Variants in ECE1 observed in about 807,000 individuals in gnomAD.
ECE1 encodes endothelin-converting enzyme 1.
ECE1 carries 35 observed loss-of-function variants against 98.6 expected under a neutral mutation model. The ratio of observed to expected loss-of-function variants is 0.35; its 90% CI spans 0.27 to 0.47. The LOEUF is 0.47. Ranked by LOEUF, ECE1 falls within the 20% of genes least tolerant of loss-of-function variation. The pLI is 1.00. For missense variants in ECE1, 814 were observed against 1,025.3 expected, an observed-to-expected ratio of 0.79 and a Z score of 2.81; for synonymous variants, 394 against 407.1, an observed-to-expected ratio of 0.97 and a Z score of 0.39.
intron 1 of ECE1, among the ~76,000 whole-genome samples, chr1:21,318,735 G>A (rs1482778855): frequency 6.6e-6 from 1 of 152,084 alleles, no homozygotes; most frequent in African/African-American, 2.4e-5. Context: ...AGCCTTCCAA[G>A]GAGCTAACCC....
At chr1:21,280,776 C>T (rs1214778695) in intron 2 of ECE1, among the ~76,000 whole-genome samples, 3 of 151,982 alleles carry the variant, frequency 2.0e-5, no homozygotes, top group Non-Finnish European at 4.4e-5. Context: ...GGGAAGGGTA[C>T]TGAGAAGCCA....
chr1:21,300,764 T>A (rs947668148), intron 1 of ECE1, among the ~76,000 whole-genome samples: 2 of 152,038 alleles, frequency 1.3e-5, no homozygotes, highest in African/African-American at 4.8e-5. Context: ...TCCCTTCTGG[T>A]AGACTTTTTT....
At chr1:21,237,397 G>A (rs889688184) in intron 11 of ECE1, among the ~76,000 whole-genome samples, 9 of 152,072 alleles carry the variant, frequency 5.9e-5, no homozygotes, top group East Asian at 1.9e-4. Flanking sequence ...AGAGCTGTGC[G>A]GCAACAAGAG....
At chr1:21,227,863 A>T in intron 15 of ECE1, 68 bp downstream of exon 15, 1 of 1,260,684 alleles carries the variant, frequency 7.9e-7, no homozygotes, top group Non-Finnish European at 1.1e-6. Context: ...AGACTGGCTT[A>T]GGTCGTATGG....
intron 1 of ECE1, among the ~76,000 whole-genome samples, chr1:21,296,590 C>T (rs1445754794): frequency 6.6e-6 from 1 of 152,128 alleles, no homozygotes; most frequent in Non-Finnish European, 1.5e-5. Flanking sequence ...CTTGACATTG[C>T]CCAGTTCTCA....
chr1:21,238,357 G>T, intron 10 of ECE1, 113 bp from the exon 11 acceptor site: 2 of 863,022 alleles, frequency 2.3e-6, no homozygotes, highest in Non-Finnish European at 3.8e-6. Flanking sequence ...GAAGTTCAGG[G>T]AGAGCTTTCC....
intron 15 of ECE1, among the ~76,000 whole-genome samples, chr1:21,227,462 G>C (rs1007722330): frequency 3.9e-5 from 6 of 152,220 alleles, no homozygotes; most frequent in African/African-American, 1.2e-4. Context: ...CGCTGTGCTA[G>C]ATGCTCTACA....
chr1:21,330,403 G>A (rs144500426), intron 1 of ECE1, among the ~76,000 whole-genome samples: 241 of 151,510 alleles, frequency 1.6e-3, no homozygotes, highest in African/African-American at 5.6e-3. Flanking sequence ...TAATTGTTTC[G>A]TATTTTTTGT....
At chr1:21,284,721 C>G (rs563168236) in intron 2 of ECE1, among the ~76,000 whole-genome samples, 1 of 152,142 alleles carries the variant, frequency 6.6e-6, no homozygotes, top group Non-Finnish European at 1.5e-5. Context: ...CTGGGGCCCA[C>G]GAGACAAGCC....
intron 4 of ECE1, among the ~76,000 whole-genome samples, chr1:21,265,708 C>T (rs748846563): frequency 3.3e-5 from 5 of 152,046 alleles, no homozygotes; most frequent in South Asian, 2.1e-4. Context: ...TGTCCCCTTT[C>T]GGGGCTGTCA....
At chr1:21,315,789 CAAA>C (rs754647376) in intron 1 of ECE1, among the ~76,000 whole-genome samples, 3 of 47,280 alleles carry the variant, frequency 6.3e-5, no homozygotes, top group Non-Finnish European at 1.3e-4. Flanking sequence ...GACTCTGTCT[CAAA>C]AAAAAAAAAA....
intron 4 of ECE1, among the ~76,000 whole-genome samples, chr1:21,263,662 CTT>C (rs11296960): frequency 3.3e-5 from 5 of 150,196 alleles, no homozygotes; most frequent in Admixed American, 1.3e-4. Flanking sequence ...CCAAGATTCC[CTT>C]TTTTTTTTTA....
intron 10 of ECE1, among the ~76,000 whole-genome samples, chr1:21,238,987 T>C (rs1351854571): frequency 6.6e-6 from 1 of 151,452 alleles, no homozygotes; most frequent in East Asian, 1.9e-4. Flanking sequence ...GCTAATTTTT[T>C]CTATTTAAAA....
At chr1:21,333,226 G>A (rs983241647) in intron 1 of ECE1, among the ~76,000 whole-genome samples, 11 of 152,074 alleles carry the variant, frequency 7.2e-5, no homozygotes, top group Non-Finnish European at 1.5e-4. Flanking sequence ...TGCAGAAGGT[G>A]GGGGGAGCTG....
rs184547996 is a variant in ECE1, at chr1:21,301,671, A to T, written c.4-11515T>A. Among the ~76,000 whole-genome samples, 4 of 151,740 alleles carry T rather than the reference A, an allele frequency of 2.6e-5. No homozygotes were observed. The East Asian group carries it at 7.8e-4, about 29-fold the overall frequency. ...CTACAAAAAAAAAATACAAAAAATT[A>T]GCCAGGTATGGTGGCGTGGTGGCTC... On this transcript the variant is annotated intron_variant, in intron 1 of 18. Transcript: ENST00000415912.
At chr1:21,273,668 A>T (rs2098243154) in intron 3 of ECE1, among the ~76,000 whole-genome samples, 1 of 152,178 alleles carries the variant, frequency 6.6e-6, no homozygotes, top group Non-Finnish European at 1.5e-5. Context: ...AATCCTCAAA[A>T]ACCCAAAGGC....
At chr1:21,333,081 C>T (rs143910804) in intron 1 of ECE1, among the ~76,000 whole-genome samples, 82 of 152,270 alleles carry the variant, frequency 5.4e-4, no homozygotes, top group African/African-American at 1.9e-3. Context: ...GAGGAAGACA[C>T]GCCTGCTAAA....
At chr1:21,250,055 A>AG (rs1298478602) in intron 8 of ECE1, among the ~76,000 whole-genome samples, 1 of 151,722 alleles carries the variant, frequency 6.6e-6, no homozygotes, top group Non-Finnish European at 1.5e-5. Flanking sequence ...AGGGGATTAC[A>AG]GGCATAAGCC....
chr1:21,257,795 G>A (rs1197265868), intron 6 of ECE1, among the ~76,000 whole-genome samples: 3 of 142,502 alleles, frequency 2.1e-5, no homozygotes, highest in Non-Finnish European at 3.2e-5. Context: ...GCCCCCCCCC[G>A]CAGGGCTCCT....
Sources: gnomAD v4.1 joint callset for allele counts (sites outside exome capture counted in the v4.1 genomes callset) on GRCh38, gnomAD v4.1.1 for gene constraint, MANE v1.5 for transcripts, NCBI Gene and HGNC (gene_info 2026-07-23, HGNC 2026-07-21) for gene names.